The following STXBP4 variants were observed in gnomAD, a reference collection of about 807,000 sequenced individuals.
STXBP4 encodes syntaxin-binding protein 4.
STXBP4 carries 55 observed loss-of-function variants against 76.1 expected under a neutral mutation model. The observed-to-expected ratio is 0.72, with a 90% confidence interval of 0.58 to 0.91. The LOEUF is 0.91. Among genes scored for constraint, STXBP4 ranks in the 40% least tolerant of loss-of-function variants. STXBP4 has a pLI of 0.00. For synonymous variants in STXBP4, 201 were observed against 220.2 expected (o/e 0.91, Z 0.77); for missense variants, 618 against 636.9 (o/e 0.97, Z 0.32).
intron 12 of STXBP4, among the ~76,000 whole-genome samples, chr17:55,069,512 G>A (rs1364253719): frequency 6.6e-6 from 1 of 152,060 alleles, no homozygotes; most frequent in African/African-American, 2.4e-5. Context: ...ATCTTGTATT[G>A]CTAAATACGG....
At chr17:55,130,767 T>C (rs758082076) in intron 16 of STXBP4, among the ~76,000 whole-genome samples, 2 of 152,210 alleles carry the variant, frequency 1.3e-5, no homozygotes, top group African/African-American at 2.4e-5. Flanking sequence ...GTAGAGGTCA[T>C]GTCACAGTTG....
At chr17:55,106,056 T>C (rs1043601005) in intron 16 of STXBP4, among the ~76,000 whole-genome samples, 1 of 152,118 alleles carries the variant, frequency 6.6e-6, no homozygotes, top group African/African-American at 2.4e-5. Flanking sequence ...GAGAGTGGGA[T>C]GTTAAAGTCT....
intron 12 of STXBP4, among the ~76,000 whole-genome samples, chr17:55,058,835 T>C (rs978404962): frequency 6.6e-6 from 1 of 152,170 alleles, no homozygotes. Context: ...CATTTTATAG[T>C]TACAAATGTT....
chr17:55,022,681 T>C (rs761070284), intron 8 of STXBP4, among the ~76,000 whole-genome samples: 6 of 152,116 alleles, frequency 3.9e-5, no homozygotes, highest in Non-Finnish European at 7.4e-5. Flanking sequence ...AACTGAGACA[T>C]GAAGCGTGAG....
At chr17:55,077,383 T>C (rs1430185567) in intron 13 of STXBP4, among the ~76,000 whole-genome samples, 1 of 152,146 alleles carries the variant, frequency 6.6e-6, no homozygotes, top group Non-Finnish European at 1.5e-5. Context: ...GCCCCAAACC[T>C]GTGTGAATGG....
intron 8 of STXBP4, among the ~76,000 whole-genome samples, chr17:55,009,797 T>C (rs1261421879): frequency 6.6e-6 from 1 of 152,062 alleles, no homozygotes; most frequent in African/African-American, 2.4e-5. Flanking sequence ...TTAGCATCTA[T>C]CCACCCAAAT....
the STXBP4 span, among the ~76,000 whole-genome samples, chr17:55,205,206 G>C: frequency 1.3e-5 from 2 of 152,002 alleles, no homozygotes; most frequent in African/African-American, 4.8e-5. Flanking sequence ...CCACATGACA[G>C]TGAGACAAGA....
intron 15 of STXBP4, among the ~76,000 whole-genome samples, chr17:55,079,143 C>G (rs2079225612): frequency 6.6e-6 from 1 of 152,122 alleles, no homozygotes; most frequent in African/African-American, 2.4e-5. Context: ...AAAACATATT[C>G]ATGCAATCAT....
In STXBP4 at chr17:55,052,144, A is replaced by T. The variant is rs562961681; in HGVS notation, c.1011+4990A>T. On this transcript the variant is annotated intron_variant, in intron 12 of 17. Transcript: ENST00000376352. The stretch of plus-strand genomic sequence containing the variant: ...CACATTACTATATCTAAGTGTCCAG[A>T]TACCACTCCCCACTAGAAGAAAGCC... Among the ~76,000 whole-genome samples, 131 of 152,278 alleles carry T rather than the reference A, an allele frequency of 8.6e-4. 1 individual carries two copies. The highest frequency in any genetic ancestry group is 1.7e-3 in the Non-Finnish European group (115 of 68,012).
At chr17:55,096,395 T>C (rs2144994029) in intron 16 of STXBP4, among the ~76,000 whole-genome samples, 1 of 152,300 alleles carries the variant, frequency 6.6e-6, no homozygotes, top group South Asian at 2.1e-4. Context: ...TAGAGTTCAC[T>C]TTTTATTTTA....
chr17:55,039,149 A>G (rs1178678125), intron 10 of STXBP4, among the ~76,000 whole-genome samples: 1 of 152,210 alleles, frequency 6.6e-6, no homozygotes, highest in African/African-American at 2.4e-5. Context: ...AATTATAGTA[A>G]GAAAAGCTAC....
intron 16 of STXBP4, among the ~76,000 whole-genome samples, chr17:55,103,124 CT>C (rs2145025715): frequency 6.6e-6 from 1 of 152,116 alleles, no homozygotes; most frequent in East Asian, 1.9e-4. Context: ...TGCAGAAGCT[CT>C]TTAGTTTAAT....
chr17:55,054,018 T>C (rs2078893709), intron 12 of STXBP4, among the ~76,000 whole-genome samples: 1 of 152,130 alleles, frequency 6.6e-6, no homozygotes, highest in Non-Finnish European at 1.5e-5. Context: ...AGTACCTACT[T>C]TTTCCACATG....
chr17:55,019,198 C>CT (rs575292317), intron 8 of STXBP4, among the ~76,000 whole-genome samples: 20 of 151,838 alleles, frequency 1.3e-4, no homozygotes, highest in African/African-American at 2.2e-4. Flanking sequence ...TTTTGTTCTC[C>CT]TTTTTTTATC....
At position 55,165,101 on chromosome 17, in the gene STXBP4, G is replaced by C. The variant is rs1206928048; in HGVS notation, c.*5190G>C. ...ATTTAATGTTCATTACGTTAACAAA[G>C]AGTGTGATATCAGAAAGCAGAAAAA... On this transcript the variant is annotated 3_prime_UTR_variant, in exon 18 of 18. Coordinates refer to ENST00000376352, the MANE Select transcript of STXBP4 (RefSeq NM_178509.6). The C allele has an allele frequency of 6.6e-6, 1 of 152,128 alleles. No individual in the cohort carries two copies. Among genetic ancestry groups the C allele is most frequent in the Non-Finnish European group, 1.5e-5 (1 of 68,026 alleles). The allele number at this position is 152,128 out of a possible 1,614,324, so 9.4% of individuals were successfully genotyped here. A position where few individuals can be genotyped will look rare whatever the true frequency, so the allele number is the denominator to read the frequency against.
chr17:55,043,309 A>T lies in STXBP4; in HGVS notation c.929A>T (p.Glu310Val). Residue 310 changes from glutamate to valine, a missense_variant, in exon 11 of 18, where the codon GAA (glutamate) becomes GTA (valine). Physicochemically the swap from Glu to Val is moderately radical, Grantham distance 121 (BLOSUM62 -2). Coordinates refer to ENST00000376352, the MANE Select transcript of STXBP4 (RefSeq NM_178509.6). ...LKCERDDALK[E>V]VNTLKEKLLE... ...TGTGAAAGAGATGATGCCTTGAAAGAAGTAAATACACTTAAGGTAACCTCT... is the reference window on the plus strand; with the variant it reads ...TGTGAAAGAGATGATGCCTTGAAAGTAGTAAATACACTTAAGGTAACCTCT... The T allele has an allele frequency of 6.6e-7, 1 of 1,517,616 alleles. No individual in the cohort carries two copies. The highest frequency in any genetic ancestry group is 8.8e-7 in the Non-Finnish European group (1 of 1,131,264). 94.0% of individuals were successfully genotyped at this position (1,517,616 alleles called of 1,614,324 possible). A position where few individuals can be genotyped will look rare whatever the true frequency, so the allele number is the denominator to read the frequency against.
the STXBP4 span, among the ~76,000 whole-genome samples, chr17:55,191,119 A>T: frequency 6.6e-6 from 1 of 152,170 alleles, no homozygotes; most frequent in Admixed American, 6.6e-5. Context: ...AGGAGTGCAG[A>T]TCTTTTATTC....
At chr17:54,984,730 A>T (rs971949940) in intron 1 of STXBP4, among the ~76,000 whole-genome samples, 1 of 152,020 alleles carries the variant, frequency 6.6e-6, no homozygotes, top group Non-Finnish European at 1.5e-5. Flanking sequence ...TGATGTGCTG[A>T]TATATTGATT....
intron 8 of STXBP4, among the ~76,000 whole-genome samples, chr17:55,016,620 T>C (rs1320170565): frequency 6.6e-6 from 1 of 152,204 alleles, no homozygotes; most frequent in East Asian, 1.9e-4. Flanking sequence ...AATTACTGAA[T>C]ACCCATTGTG....
Sources: allele counts gnomAD v4.1 joint callset (sites outside exome capture counted in the v4.1 genomes callset), GRCh38; gene constraint gnomAD v4.1.1; transcripts MANE v1.5; gene names NCBI Gene and HGNC (gene_info 2026-07-23, HGNC 2026-07-21).